The following LRRC40 variants were observed in gnomAD, a reference collection of about 807,000 sequenced individuals.
The protein encoded by LRRC40 is leucine rich repeat containing 40.
A neutral mutation model predicts 72.8 loss-of-function variants in LRRC40; 76 were observed. The observed-to-expected ratio is 1.04, with a 90% CI of 0.87 to 1.26. The LOEUF is 1.26. Among genes scored for constraint, LRRC40 ranks in the 50% most tolerant of loss-of-function variants. The probability of loss-of-function intolerance (pLI) is 0.00; values close to 1 mark genes in which losing one functional copy is unlikely to be tolerated. For missense variants in LRRC40, 684 were observed against 698.9 expected (o/e 0.98, Z 0.24); for synonymous variants, 243 against 254.2 (o/e 0.96, Z 0.42).
chr1:70,199,732 G>C (rs576287409), intron 1 of LRRC40, among the ~76,000 whole-genome samples: 1 of 152,208 alleles, frequency 6.6e-6, no homozygotes, highest in South Asian at 2.1e-4. Flanking sequence ...GACTGTTTAT[G>C]TTATCAGTAA....
chr1:70,188,223 T>C (rs370983545), intron 2 of LRRC40, among the ~76,000 whole-genome samples: 2 of 152,186 alleles, frequency 1.3e-5, no homozygotes. Flanking sequence ...GGACTTTTTA[T>C]GTTGATAAGT....
intron 9 of LRRC40, among the ~76,000 whole-genome samples, chr1:70,172,197 C>T (rs920436183): frequency 4.6e-5 from 7 of 152,130 alleles, no homozygotes; most frequent in African/African-American, 1.7e-4. Context: ...AGAAACAGGT[C>T]CTTACCAGAC....
chr1:70,149,705 T>G (rs1172599566), intron 13 of LRRC40, among the ~76,000 whole-genome samples: 1 of 152,154 alleles, frequency 6.6e-6, no homozygotes, highest in Non-Finnish European at 1.5e-5. Context: ...TGGTGCAATC[T>G]ATATACTAGA....
chr1:70,200,881 T>C (rs531942339), intron 1 of LRRC40, among the ~76,000 whole-genome samples: 2 of 152,298 alleles, frequency 1.3e-5, no homozygotes, highest in East Asian at 3.9e-4. Context: ...TGTTTTAAAG[T>C]ATCTTTTGGC....
At chr1:70,170,089 A>G (rs755794619) in intron 9 of LRRC40, among the ~76,000 whole-genome samples, 15 of 152,228 alleles carry the variant, frequency 9.9e-5, no homozygotes, top group Non-Finnish European at 1.5e-4. Context: ...CATGGATGCA[A>G]GCTGATTTAC....
chr1:70,151,025 TA>T lies in LRRC40; in HGVS notation c.1517+102del. On this transcript the variant is annotated intron_variant, in intron 13 of 14. Transcript: ENST00000370952. The stretch of plus-strand genomic sequence containing the variant: ...TGAAAATAAAATCTGGATATTGAAA[TA>T]AAGTAGAAGGGGCCTTTTTGTTTTT... 5.0e-6 allele frequency: 3 copies of T among 595,970 alleles called. No individual in the cohort carries two copies. The East Asian group carries it at 9.0e-5, about 18-fold the overall frequency. The allele number at this position is 595,970 out of a possible 1,614,324, so 36.9% of individuals were successfully genotyped here. A position where few individuals can be genotyped will look rare whatever the true frequency, so the allele number is the denominator to read the frequency against.
chr1:70,161,563 A>AT (rs1244636467), intron 9 of LRRC40, among the ~76,000 whole-genome samples: 1 of 149,630 alleles, frequency 6.7e-6, no homozygotes, highest in Non-Finnish European at 1.5e-5. Flanking sequence ...AAAAAAAAAA[A>AT]GAAAGAAAGA....
At position 70,152,451 on chromosome 1, in the gene LRRC40, A is replaced by C. The variant is rs1667525050; in HGVS notation, c.1421T>G (p.Leu474Trp). The C allele has an allele frequency of 5.7e-6, 9 of 1,579,544 alleles. No individual in the cohort carries two copies. The highest frequency in any genetic ancestry group is 1.4e-5 in the African/African-American group (1 of 73,998). ...TAAATACCTGAGATCTAAAAAAGTC[A>C]ATTTCTGAAGCACACATAACTCCAA... The part of the protein sequence containing the change: ...ISLELCVLQK[L>W]TFLDLRNNFL... The change falls in exon 12 of 15, where the codon TTG becomes TGG. Residue 474 changes from leucine to tryptophan, a missense_variant. Transcript: ENST00000370952.
chr1:70,168,163 T>A (rs1443847650), intron 9 of LRRC40, among the ~76,000 whole-genome samples: 2 of 152,156 alleles, frequency 1.3e-5, no homozygotes, highest in African/African-American at 4.8e-5. Flanking sequence ...GAGAGGAGTG[T>A]CAGCATTTCT....
At chr1:70,171,830 A>G (rs1198582141) in intron 9 of LRRC40, among the ~76,000 whole-genome samples, 1 of 152,158 alleles carries the variant, frequency 6.6e-6, no homozygotes, top group Non-Finnish European at 1.5e-5. Flanking sequence ...TGATCGAGAA[A>G]TATGTTACTC....
At chr1:70,195,231 A>G (rs72678613) in intron 1 of LRRC40, among the ~76,000 whole-genome samples, 2,119 of 152,260 alleles carry the variant, frequency 0.014, 28 homozygotes, top group Non-Finnish European at 0.019. Context: ...AAAATTTATA[A>G]CTTACATGTT....
At chr1:70,160,222 G>T (rs1173520963) in intron 9 of LRRC40, among the ~76,000 whole-genome samples, 2 of 152,128 alleles carry the variant, frequency 1.3e-5, no homozygotes, top group Non-Finnish European at 2.9e-5. Flanking sequence ...GCACATAAGA[G>T]CAGAAGGCAC....
In LRRC40 at chr1:70,175,854, T is replaced by G. The variant is rs768757824; in HGVS notation, c.933A>C (p.Leu311=). The change falls in exon 7 of 15, where the codon CTA becomes CTC. Residue 311 remains leucine (L), a synonymous_variant. Coordinates refer to ENST00000370952, the MANE Select transcript of LRRC40 (RefSeq NM_017768.5). ...LKSVPDEIIL[L]RSLERLDLSN... is the part of the protein sequence containing the mutation. ...TTAGGTCAAGCCTTTCCAAGGACCG[T>G]AGTAGTATAATTTCATCTGGAACAG... The G allele has an allele frequency of 1.9e-6, 3 of 1,588,240 alleles. No homozygotes were observed. Among genetic ancestry groups the G allele is most frequent in the Non-Finnish European group, 2.6e-6 (3 of 1,170,468 alleles).
At chr1:70,154,929 G>A (rs193250997) in intron 11 of LRRC40, among the ~76,000 whole-genome samples, 4 of 152,174 alleles carry the variant, frequency 2.6e-5, no homozygotes, top group African/African-American at 9.6e-5. Flanking sequence ...TATACAGCAG[G>A]TCTGGGATAT....
chr1:70,149,152 T>C (rs1002779578), intron 13 of LRRC40, among the ~76,000 whole-genome samples: 1 of 152,202 alleles, frequency 6.6e-6, no homozygotes, highest in African/African-American at 2.4e-5. Context: ...CTGGCTTTCT[T>C]GTCCAAGCAA....
At chr1:70,181,049 T>C in intron 5 of LRRC40, 37 bp downstream of exon 5, 1 of 1,383,376 alleles carries the variant, frequency 7.2e-7, no homozygotes, top group East Asian at 2.4e-5. Context: ...TGCACCAACT[T>C]CAAATTTATG....
intron 4 of LRRC40, among the ~76,000 whole-genome samples, chr1:70,184,233 G>A (rs1210253206): frequency 6.6e-6 from 1 of 152,106 alleles, no homozygotes; most frequent in African/African-American, 2.4e-5. Context: ...GGGTGACAGG[G>A]TAAGACCATG....
At chr1:70,166,940 A>T (rs1451175436) in intron 9 of LRRC40, among the ~76,000 whole-genome samples, 4 of 152,094 alleles carry the variant, frequency 2.6e-5, no homozygotes, top group African/African-American at 9.6e-5. Context: ...GAAAAGAAAG[A>T]AACAGGGAAA....
intron 1 of LRRC40, among the ~76,000 whole-genome samples, chr1:70,195,034 C>G (rs1403748405): frequency 6.6e-6 from 1 of 152,018 alleles, no homozygotes; most frequent in Non-Finnish European, 1.5e-5. Flanking sequence ...GAACCTCAAC[C>G]TTTACCTTGT....
Sources: allele counts gnomAD v4.1 joint callset (sites outside exome capture counted in the v4.1 genomes callset), GRCh38; gene constraint gnomAD v4.1.1; transcripts MANE v1.5; gene names NCBI Gene and HGNC (gene_info 2026-07-23, HGNC 2026-07-21).